The following OR14I1 variants were observed in gnomAD, a reference collection of about 807,000 sequenced individuals.
The protein encoded by OR14I1 is olfactory receptor 14I1.
For missense variants in OR14I1, 279 were observed against 181.8 expected (o/e 1.53, Z -3.07); for synonymous variants, 118 against 71.1 (o/e 1.66, Z -3.32).
chr1:248,699,668 T>A, the OR14I1 span, among the ~76,000 whole-genome samples: 107 of 152,342 alleles, frequency 7.0e-4, no homozygotes, highest in Non-Finnish European at 1.3e-3. Context: ...AGGCCAGCTC[T>A]GTGATGGAAA....
chr1:248,694,813 C>A, the OR14I1 span, among the ~76,000 whole-genome samples: 1 of 152,182 alleles, frequency 6.6e-6, no homozygotes, highest in African/African-American at 2.4e-5. Context: ...AATTTACCCA[C>A]CAGAAATAGA....
chr1:248,678,437 T>C (rs761880844), downstream of OR14I1, among the ~76,000 whole-genome samples: 57 of 152,210 alleles, frequency 3.7e-4, no homozygotes, highest in Non-Finnish European at 6.3e-4. Context: ...CTGGCAACAC[T>C]GAATCAAATT....
chr1:248,702,023 G>A, the OR14I1 span, among the ~76,000 whole-genome samples: 1 of 152,136 alleles, frequency 6.6e-6, no homozygotes, highest in African/African-American at 2.4e-5. Flanking sequence ...AGGAGGAGGA[G>A]AGCAAACGGG....
At chr1:248,694,661 T>A in the OR14I1 span, among the ~76,000 whole-genome samples, 5 of 152,206 alleles carry the variant, frequency 3.3e-5, no homozygotes, top group African/African-American at 1.2e-4. Context: ...TATCTAACCA[T>A]GAGAATTTCA....
chr1:248,691,609 A>G, the OR14I1 span, among the ~76,000 whole-genome samples: 1 of 152,230 alleles, frequency 6.6e-6, no homozygotes, highest in African/African-American at 2.4e-5. Flanking sequence ...GAACTAGCCC[A>G]CCAGGCTTTC....
upstream of OR14I1, among the ~76,000 whole-genome samples, chr1:248,684,124 C>T (rs1470197083): frequency 1.3e-5 from 2 of 152,282 alleles, no homozygotes; most frequent in African/African-American, 4.8e-5. Flanking sequence ...GAGCACTATC[C>T]CTGATAAACG....
downstream of OR14I1, among the ~76,000 whole-genome samples, chr1:248,681,060 G>A (rs898014830): frequency 4.0e-5 from 6 of 151,314 alleles, no homozygotes; most frequent in African/African-American, 1.5e-4. Flanking sequence ...TTCAAGATGA[G>A]GTAATTAAAG....
chr1:248,696,204 C>A, the OR14I1 span, among the ~76,000 whole-genome samples: 1 of 152,186 alleles, frequency 6.6e-6, no homozygotes, highest in East Asian at 1.9e-4. Context: ...CCCATAGGGG[C>A]TAACAGAGGC....
the OR14I1 span, among the ~76,000 whole-genome samples, chr1:248,694,552 C>T: frequency 6.6e-6 from 1 of 151,972 alleles, no homozygotes; most frequent in Admixed American, 6.6e-5. Context: ...GTTTTTTTCC[C>T]CTTAAAAGTA....
chr1:248,689,453 C>G, the OR14I1 span, among the ~76,000 whole-genome samples: 3 of 152,172 alleles, frequency 2.0e-5, no homozygotes, highest in Non-Finnish European at 4.4e-5. Context: ...TGAACCCAGT[C>G]CAGTCAACAA....
the OR14I1 span, among the ~76,000 whole-genome samples, chr1:248,695,230 T>C: frequency 1.0e-5 from 1 of 99,606 alleles, no homozygotes; most frequent in Middle Eastern, 4.0e-3. Flanking sequence ...AATGTATGCT[T>C]TTTTTTTTTT....
the OR14I1 span, among the ~76,000 whole-genome samples, chr1:248,687,999 T>G: frequency 6.6e-6 from 1 of 152,286 alleles, no homozygotes; most frequent in African/African-American, 2.4e-5. Context: ...TGGCTAAAGC[T>G]TCTTACTAAT....
chr1:248,682,253 TACCAGAA>T lies in OR14I1; in HGVS notation c.45_51del (p.Phe15LeufsTer15). The T allele has an allele frequency of 1.3e-6, 1 of 770,540 alleles. No homozygotes were observed. The highest frequency in any genetic ancestry group is 2.4e-6 in the Non-Finnish European group (1 of 414,124). 47.7% of individuals were successfully genotyped at this position (770,540 alleles called of 1,614,324 possible). ...GCGTGCAGCACCTGCAGCTCCCAGA[TACCAGAA>T]AACTCCATCAGCAGGAATTCTGTCA... On this transcript the variant is annotated frameshift_variant, in exon 1 of 1. Transcript: ENST00000342623. LOFTEE classifies it low-confidence loss of function (END_TRUNC).
the OR14I1 span, among the ~76,000 whole-genome samples, chr1:248,690,952 A>G: frequency 6.6e-6 from 1 of 152,218 alleles, no homozygotes. Flanking sequence ...GCAAATCAAT[A>G]AACACAATCC....
upstream of OR14I1, among the ~76,000 whole-genome samples, chr1:248,685,392 T>C (rs147439973): frequency 2.1e-3 from 327 of 152,214 alleles, 1 homozygote; most frequent in African/African-American, 6.9e-3. Flanking sequence ...ATTTAAAATA[T>C]CTCAACCAAA....
At chr1:248,699,421 G>T in the OR14I1 span, among the ~76,000 whole-genome samples, 1 of 152,192 alleles carries the variant, frequency 6.6e-6, no homozygotes. Flanking sequence ...AGGAAAGATT[G>T]GGATTTTAGA....
At chr1:248,701,036 A>G in the OR14I1 span, among the ~76,000 whole-genome samples, 2 of 152,254 alleles carry the variant, frequency 1.3e-5, no homozygotes, top group African/African-American at 4.8e-5. Flanking sequence ...TTCACACATG[A>G]GCTAAGATTT....
the OR14I1 span, among the ~76,000 whole-genome samples, chr1:248,696,533 A>C: frequency 2.6e-5 from 4 of 152,202 alleles, no homozygotes; most frequent in Non-Finnish European, 5.9e-5. Context: ...AGTGCAGAAG[A>C]AGCTAAGGCT....
chr1:248,678,623 G>A (rs1437023502), downstream of OR14I1, among the ~76,000 whole-genome samples: 2 of 152,184 alleles, frequency 1.3e-5, no homozygotes, highest in Non-Finnish European at 2.9e-5. Flanking sequence ...TATAGTTGTT[G>A]TATGTGCTAT....
Sources: allele counts gnomAD v4.1 joint callset (sites outside exome capture counted in the v4.1 genomes callset), GRCh38; gene constraint gnomAD v4.1.1; transcripts MANE v1.5; gene names NCBI Gene and HGNC (gene_info 2026-07-23, HGNC 2026-07-21).